ZNF567: variants seen among roughly 807,000 people sequenced by gnomAD.
ZNF567 encodes zinc finger protein 567.
ZNF567 carries 36 observed loss-of-function variants against 53.9 expected under a neutral mutation model. The ratio of observed to expected loss-of-function variants is 0.67; its 90% CI spans 0.51 to 0.88. The LOEUF (loss-of-function observed/expected upper bound fraction) is 0.88, where lower values mean the gene tolerates loss of function less well. ZNF567 is among the 40% of genes least tolerant of loss of function. The pLI is 0.00. For synonymous variants in ZNF567, 224 were observed against 260.4 expected (o/e 0.86, Z 1.35); for missense variants, 619 against 764.7 (o/e 0.81, Z 2.25).
chr19:36,702,715 A>G (rs2145715570), intron 3 of ZNF567, among the ~76,000 whole-genome samples: 1 of 152,286 alleles, frequency 6.6e-6, no homozygotes, highest in Non-Finnish European at 1.5e-5. Flanking sequence ...AGTTGATCGC[A>G]TCGGCTCCTG....
At chr19:36,706,430 A>G (rs1329285025) in intron 3 of ZNF567, among the ~76,000 whole-genome samples, 1 of 152,088 alleles carries the variant, frequency 6.6e-6, no homozygotes, top group African/African-American at 2.4e-5. Context: ...AGTAGCTGAT[A>G]CTACAGGCAT....
chr19:36,711,611 G>A (rs543152369), intron 3 of ZNF567: 3 of 152,308 alleles, frequency 2.0e-5, no homozygotes, highest in East Asian at 1.9e-4. Flanking sequence ...AATGCTGCAT[G>A]CTGAAAAATC....
chr19:36,680,347 A>C, the ZNF567 span, among the ~76,000 whole-genome samples: 2 of 152,198 alleles, frequency 1.3e-5, no homozygotes, highest in Non-Finnish European at 2.9e-5. Context: ...CATTTAACAC[A>C]AGTGAACATT....
rs865811759 is a variant in ZNF567, at chr19:36,719,614, T to C, written c.890T>C (p.Ile297Thr). ...GNAFRRKSYL[I>T]DHQRTHTGEK... ...GCATTTAGAAGGAAATCATATCTCA[T>C]TGATCATCAGAGAACTCACACAGGA... The change falls in exon 6 of 6, where the codon ATT becomes ACT. Residue 297 changes from isoleucine to threonine, a missense_variant. By Grantham distance (89) the Ile-to-Thr change is moderately conservative. Transcript: ENST00000682579. 1.2e-6 allele frequency: 2 copies of C among 1,614,194 alleles called. No individual in the cohort carries two copies. Among genetic ancestry groups the C allele is most frequent in the Middle Eastern group, 1.6e-4 (1 of 6,062 alleles).
chr19:36,703,089 A>G (rs1568695040), intron 3 of ZNF567, among the ~76,000 whole-genome samples: 2 of 152,038 alleles, frequency 1.3e-5, no homozygotes, highest in Non-Finnish European at 2.9e-5. Flanking sequence ...ATGGTGATGT[A>G]CAGATGGGTT....
the ZNF567 span, among the ~76,000 whole-genome samples, chr19:36,679,851 G>C: frequency 3.3e-5 from 5 of 152,110 alleles, no homozygotes; most frequent in Non-Finnish European, 7.4e-5. Context: ...TGGGGAAAGG[G>C]GAAATGCTGG....
At chr19:36,696,209 G>T (rs1438947269) in intron 3 of ZNF567, among the ~76,000 whole-genome samples, 1 of 152,072 alleles carries the variant, frequency 6.6e-6, no homozygotes, top group Non-Finnish European at 1.5e-5. Context: ...TCTGCTTCTG[G>T]TTTCAAAGAC....
intron 3 of ZNF567, chr19:36,711,365 A>T (rs2039779221): frequency 6.6e-6 from 1 of 152,220 alleles, no homozygotes. Flanking sequence ...CCTTTGAGGA[A>T]GTAAGTGGTG....
chr19:36,691,188 C>G (rs1485824644), intron 2 of ZNF567, among the ~76,000 whole-genome samples: 2 of 151,554 alleles, frequency 1.3e-5, no homozygotes. Context: ...GACAAGGTCT[C>G]CCTCCGTTGC....
At chr19:36,672,432 G>T in the ZNF567 span, among the ~76,000 whole-genome samples, 2 of 152,320 alleles carry the variant, frequency 1.3e-5, no homozygotes, top group Non-Finnish European at 2.9e-5. Flanking sequence ...ATAATCGGGT[G>T]TATAGGATGA....
intron 3 of ZNF567, among the ~76,000 whole-genome samples, chr19:36,708,982 T>C (rs1022132657): frequency 2.6e-5 from 4 of 152,248 alleles, no homozygotes; most frequent in African/African-American, 7.2e-5. Context: ...AAATTAGTTA[T>C]GGTAAAAATA....
the ZNF567 span, among the ~76,000 whole-genome samples, chr19:36,674,861 C>T: frequency 6.6e-6 from 1 of 151,992 alleles, no homozygotes; most frequent in Non-Finnish European, 1.5e-5. Flanking sequence ...TCAAGCGATT[C>T]TCGTGCCCCA....
At chr19:36,722,643 G>A (rs2145935151), downstream of ZNF567, among the ~76,000 whole-genome samples, 1 of 152,316 alleles carries the variant, frequency 6.6e-6, no homozygotes, top group Admixed American at 6.5e-5. Context: ...AACCATATCT[G>A]CATAAACAGA....
the ZNF567 span, among the ~76,000 whole-genome samples, chr19:36,682,187 G>T: frequency 0.04 from 6,086 of 151,516 alleles, 417 homozygotes; most frequent in African/African-American, 0.14. Flanking sequence ...TGAGGCTGAG[G>T]TGGGAGGATT....
At position 36,720,373 on chromosome 19, in the gene ZNF567, T is replaced by A. The variant is rs1229804575; in HGVS notation, c.1649T>A (p.Val550Glu). ...KSFRQKATLT[V>E]HQKIHTGQKS... ...TTTCGCCAGAAAGCAACCCTCACTG[T>A]ACATCAGAAAATACATACCGGCCAG... The change falls in exon 6 of 6, where the codon GTA becomes GAA. Residue 550 changes from valine to glutamate, a missense_variant. Transcript: ENST00000682579. 6.2e-7 allele frequency: 1 copy of A among 1,614,042 alleles called. No homozygotes were observed. Among genetic ancestry groups the A allele is most frequent in the Non-Finnish European group, 8.5e-7 (1 of 1,180,038 alleles).
intron 3 of ZNF567, among the ~76,000 whole-genome samples, chr19:36,697,932 T>C (rs1247600257): frequency 6.6e-6 from 1 of 151,680 alleles, no homozygotes; most frequent in Non-Finnish European, 1.5e-5. Flanking sequence ...TTTTTTTTTT[T>C]TTTTATTATA....
At chr19:36,672,738 T>G in the ZNF567 span, among the ~76,000 whole-genome samples, 7 of 152,144 alleles carry the variant, frequency 4.6e-5, no homozygotes, top group Non-Finnish European at 8.8e-5. Context: ...AATACACACT[T>G]TAGATACAAA....
chr19:36,726,980 C>CTT (rs796474485), downstream of ZNF567: 5 of 61,736 alleles, frequency 8.1e-5, no homozygotes, highest in African/African-American at 2.1e-4. Flanking sequence ...TTCTTTCTTT[C>CTT]TTTTTCTTTC....
chr19:36,713,452 A>C (rs77092060), intron 5 of ZNF567, among the ~76,000 whole-genome samples: 1 of 69,268 alleles, frequency 1.4e-5, no homozygotes, highest in African/African-American at 6.4e-5. Context: ...AGCCTGTCTC[A>C]AAAAAAAAAA....
Sources: gnomAD v4.1 joint callset for allele counts (sites outside exome capture counted in the v4.1 genomes callset) on GRCh38, gnomAD v4.1.1 for gene constraint, MANE v1.5 for transcripts, NCBI Gene and HGNC (gene_info 2026-07-23, HGNC 2026-07-21) for gene names.